TBC1D9: variants seen among roughly 807,000 people sequenced by gnomAD.
TBC1D9 encodes TBC1 domain family member 9A.
A neutral mutation model predicts 132.0 loss-of-function variants in TBC1D9; 63 were observed. That is an observed-to-expected ratio of 0.48 (90% CI 0.39 to 0.59). The LOEUF (loss-of-function observed/expected upper bound fraction) is 0.59, where lower values mean the gene tolerates loss of function less well. TBC1D9 is among the 20% of genes least tolerant of loss of function. The pLI is 0.00. For missense variants in TBC1D9, 1,261 were observed against 1,592.7 expected (o/e 0.79, Z 3.54); for synonymous variants, 610 against 609.9 (o/e 1.00, Z 0.00).
At chr4:140,720,597 C>G (rs1279359419) in intron 1 of TBC1D9, among the ~76,000 whole-genome samples, 3 of 152,338 alleles carry the variant, frequency 2.0e-5, no homozygotes, top group Admixed American at 2.0e-4. Flanking sequence ...CTGCTTCCCA[C>G]ACACAGGAAA....
intron 16 of TBC1D9, among the ~76,000 whole-genome samples, chr4:140,632,305 C>T (rs1736810190): frequency 6.7e-6 from 1 of 149,340 alleles, no homozygotes; most frequent in East Asian, 2.0e-4. Flanking sequence ...ACCTATATGA[C>T]AAGCAGTAAT....
At chr4:140,725,164 T>C (rs1738479573) in intron 1 of TBC1D9, among the ~76,000 whole-genome samples, 1 of 152,084 alleles carries the variant, frequency 6.6e-6, no homozygotes, top group Admixed American at 6.6e-5. Context: ...AAACGTCCAT[T>C]AACAGAGGAG....
intron 1 of TBC1D9, among the ~76,000 whole-genome samples, chr4:140,742,871 A>AGGGGAGAGAG (rs2111079746): frequency 6.7e-6 from 1 of 148,994 alleles, no homozygotes; most frequent in Non-Finnish European, 1.5e-5. Context: ...GTGCAGGGGC[A>AGGGGAGAGAG]GGGGAGAGAG....
intron 13 of TBC1D9, among the ~76,000 whole-genome samples, chr4:140,655,817 T>C (rs957419194): frequency 6.6e-6 from 1 of 152,184 alleles, no homozygotes; most frequent in Non-Finnish European, 1.5e-5. Context: ...CTCTGGGCTA[T>C]ACAGGCTATA....
chr4:140,624,339 A>G lies in TBC1D9; in HGVS notation c.2949T>C (p.Val983=). The G allele has an allele frequency of 1.2e-6, 2 of 1,613,898 alleles. No individual in the cohort carries two copies. Among genetic ancestry groups the G allele is most frequent in the Non-Finnish European group, 1.7e-6 (2 of 1,179,838 alleles). The change falls in exon 19 of 21, where the codon GTT becomes GTC. Residue 983 remains valine, a synonymous_variant. Coordinates refer to ENST00000442267, the MANE Select transcript of TBC1D9 (RefSeq NM_015130.3). ...RSKQGADDGF[V]TVSLKPDKGK... ...CTTTGTCTGGCTTTAGGCTCACCGT[A>G]ACAAAGCCATCATCTGCACCCTGTT...
intron 9 of TBC1D9, among the ~76,000 whole-genome samples, 163 bp from the exon 10 acceptor site, chr4:140,662,270 T>G (rs1203499801): frequency 1.3e-5 from 2 of 152,222 alleles, no homozygotes; most frequent in Admixed American, 6.5e-5. Context: ...GTGGCTAGAC[T>G]GGTGAATTTG....
chr4:140,708,058 A>C (rs1026244269), intron 1 of TBC1D9, among the ~76,000 whole-genome samples: 3 of 152,186 alleles, frequency 2.0e-5, no homozygotes, highest in Admixed American at 2.0e-4. Context: ...TGGGAGTCTC[A>C]AAGCCTACAA....
chr4:140,675,120 A>T (rs1162986296), intron 6 of TBC1D9, among the ~76,000 whole-genome samples: 1 of 152,216 alleles, frequency 6.6e-6, no homozygotes, highest in Non-Finnish European at 1.5e-5. Context: ...AATTATATAA[A>T]TGACACATAC....
intron 15 of TBC1D9, 145 bp from the exon 16 acceptor site, chr4:140,634,333 C>G: frequency 1.8e-6 from 2 of 1,108,284 alleles, no homozygotes; most frequent in Non-Finnish European, 2.5e-6. Flanking sequence ...CCCCCTTGGT[C>G]TCTTAGTTCT....
In TBC1D9 at chr4:140,733,548, T is replaced by C. The variant is rs1339930483; in HGVS notation, c.130+22368A>G. Among the ~76,000 whole-genome samples, 7 of 152,210 alleles carry C rather than the reference T, an allele frequency of 4.6e-5. No homozygotes were observed. The East Asian group carries it at 1.3e-3, about 29-fold the overall frequency. On this transcript the variant is annotated intron_variant, in intron 1 of 20. Transcript: ENST00000442267. The stretch of plus-strand genomic sequence containing the variant: ...AACTAAACATTATATTCTTATTATG[T>C]GTGTTTACATACTCATTTCCATGAA...
At chr4:140,671,939 T>G (rs1235962401) in intron 6 of TBC1D9, among the ~76,000 whole-genome samples, 1 of 152,216 alleles carries the variant, frequency 6.6e-6, no homozygotes, top group Admixed American at 6.5e-5. Context: ...TCTTCATTTC[T>G]ACTGCAAGCA....
chr4:140,732,947 C>T (rs1397713507), intron 1 of TBC1D9, among the ~76,000 whole-genome samples: 11 of 152,154 alleles, frequency 7.2e-5, no homozygotes, highest in Non-Finnish European at 4.4e-5. Context: ...TAGCTTCTGA[C>T]TACTGATTTC....
chr4:140,664,185 T>C (rs937718883), intron 9 of TBC1D9, among the ~76,000 whole-genome samples: 16 of 152,086 alleles, frequency 1.1e-4, no homozygotes, highest in African/African-American at 3.9e-4. Flanking sequence ...CTTAAATATA[T>C]ATACTTTTTA....
chr4:140,642,208 G>T, intron 13 of TBC1D9: 1 of 742,328 alleles, frequency 1.3e-6, no homozygotes, highest in Non-Finnish European at 2.5e-6. Context: ...GCCTTGGGCG[G>T]GCCACTCTCC....
intron 13 of TBC1D9, chr4:140,642,513 G>A (rs1737019720): frequency 8.6e-7 from 1 of 1,162,988 alleles, no homozygotes; most frequent in African/African-American, 1.5e-5. Flanking sequence ...AAAACTTGAA[G>A]GGTGACTTCA....
chr4:140,728,822 C>T lies in TBC1D9; in HGVS notation c.130+27094G>A, dbSNP rs533194845. 7.9e-5 allele frequency among the ~76,000 whole-genome samples: 12 copies of T among 152,242 alleles called. 1 individual carries two copies. The highest frequency in any genetic ancestry group is 3.4e-3 in the Middle Eastern group (1 of 294). ...GGACTACAGGTGTGCGCCACCCACA[C>T]CTGGCTAATTTTTGTATTTTTAGTA... On this transcript the variant is annotated intron_variant, in intron 1 of 20. Coordinates refer to ENST00000442267, the MANE Select transcript of TBC1D9 (RefSeq NM_015130.3).
At position 140,670,886 on chromosome 4, in the gene TBC1D9, GGGAGCACACT is replaced by G; in HGVS notation, c.1090_1099del (p.Ser364ProfsTer12). ...TCGGGTGCTGATGGATAAGGGACTG[GGGAGCACACT>G]GGAGCTGTCTGCCTTTTCCACAATT... On this transcript the variant is annotated frameshift_variant, in exon 7 of 21. Transcript: ENST00000442267. LOFTEE classifies it high-confidence loss of function. The G allele has an allele frequency of 6.2e-7, 1 of 1,613,960 alleles. No individual in the cohort carries two copies. The highest frequency in any genetic ancestry group is 8.5e-7 in the Non-Finnish European group (1 of 1,179,886).
Position 140,645,664 on chromosome 4 carries a change from T to A in TBC1D9, c.2338-6236A>T, listed in dbSNP as rs1313943041. Among the ~76,000 whole-genome samples the A allele has an allele frequency of 2.0e-5, 3 of 152,230 alleles. No homozygotes were observed. In the East Asian group the frequency reaches 5.8e-4, roughly 29 times the overall value. Reference sequence around the variant, plus strand: ...AGTGATTTTTCATCCTCTCTTGGGATAAAATTCCAAGGCCTCTAAGCCCTT... The same window carrying A: ...AGTGATTTTTCATCCTCTCTTGGGAAAAAATTCCAAGGCCTCTAAGCCCTT... On this transcript the variant is annotated intron_variant, in intron 13 of 20. Coordinates refer to ENST00000442267, the MANE Select transcript of TBC1D9 (RefSeq NM_015130.3).
chr4:140,749,246 T>C (rs1400471226), intron 1 of TBC1D9, among the ~76,000 whole-genome samples: 1 of 151,570 alleles, frequency 6.6e-6, no homozygotes, highest in Non-Finnish European at 1.5e-5. Flanking sequence ...TGGTTAATAA[T>C]ATAATTGGAT....
Sources: gnomAD v4.1 joint callset for allele counts (sites outside exome capture counted in the v4.1 genomes callset) on GRCh38, gnomAD v4.1.1 for gene constraint, MANE v1.5 for transcripts, NCBI Gene and HGNC (gene_info 2026-07-23, HGNC 2026-07-21) for gene names.